The following RPRD2 variants were observed in gnomAD, a reference collection of about 807,000 sequenced individuals.
RPRD2 encodes regulation of nuclear pre-mRNA domain containing 2.
A neutral mutation model predicts 104.4 loss-of-function variants in RPRD2; 12 were observed. The observed-to-expected ratio is 0.11, with a 90% CI of 0.07 to 0.19. RPRD2 has a LOEUF of 0.19. Among genes scored for constraint, RPRD2 ranks in the 10% least tolerant of loss-of-function variants. RPRD2 has a pLI of 1.00. For missense variants in RPRD2, 1,543 were observed against 1,790.1 expected, an observed-to-expected ratio of 0.86 and a Z score of 2.49; for synonymous variants, 714 against 684.9, an observed-to-expected ratio of 1.04 and a Z score of -0.66.
chr1:150,434,950 T>C (rs1157617936), intron 2 of RPRD2, among the ~76,000 whole-genome samples: 1 of 152,236 alleles, frequency 6.6e-6, no homozygotes, highest in Non-Finnish European at 1.5e-5. Context: ...TGTTTCATTG[T>C]GCATTGCAGG....
rs1661661325 is a variant in RPRD2, at chr1:150,387,566, C to CTTTTTTTTTTTTTTTTT, written c.205+22647_205+22648insTTTTTTTTTTTTTTTTT. ...TAAATCTTACAGAAGTTGCAACAGACCTTTTTTTTTTTTTTTTTTTTTTTT... is the reference window on the plus strand; with the variant it reads ...TAAATCTTACAGAAGTTGCAACAGACTTTTTTTTTTTTTTTTTCTTTTTTTTTTTTTTTTTTTTTTTT... On this transcript the variant is annotated intron_variant, in intron 1 of 10. Coordinates refer to ENST00000369068, the MANE Select transcript of RPRD2 (RefSeq NM_015203.5). 1.9e-4 allele frequency among the ~76,000 whole-genome samples: 13 copies of CTTTTTTTTTTTTTTTTT among 70,116 alleles called. 3 individuals carry two copies. The highest frequency in any genetic ancestry group is 2.3e-4 in the Non-Finnish European group (8 of 34,170). 46.0% of individuals were successfully genotyped at this position (70,116 alleles called of 152,430 possible).
chr1:150,456,649 G>GCACGGTGACTCAAGCCTGTAA (rs1667546034), intron 7 of RPRD2, among the ~76,000 whole-genome samples: 1 of 151,564 alleles, frequency 6.6e-6, no homozygotes, highest in Non-Finnish European at 1.5e-5. Context: ...AAGCAGCCGA[G>GCACGGTGACTCAAGCCTGTAA]CACGGTGACT....
At chr1:150,374,496 G>A (rs1241680197) in intron 1 of RPRD2, among the ~76,000 whole-genome samples, 6 of 152,196 alleles carry the variant, frequency 3.9e-5, no homozygotes, top group African/African-American at 1.4e-4. Context: ...TTGGGTCAGA[G>A]CAAATGTTAA....
At chr1:150,391,341 A>G (rs1346771337) in intron 1 of RPRD2, among the ~76,000 whole-genome samples, 1 of 152,122 alleles carries the variant, frequency 6.6e-6, no homozygotes, top group African/African-American at 2.4e-5. Flanking sequence ...TTTTGTAGAG[A>G]TAAGGGTCTC....
chr1:150,415,966 A>G (rs1664303427), intron 1 of RPRD2, among the ~76,000 whole-genome samples: 1 of 152,196 alleles, frequency 6.6e-6, no homozygotes. Flanking sequence ...GGGCCTGACA[A>G]GTGGTTAAAA....
At chr1:150,462,549 TTTTA>T (rs1189724325) in intron 9 of RPRD2, among the ~76,000 whole-genome samples, 16 of 151,934 alleles carry the variant, frequency 1.1e-4, no homozygotes, top group Non-Finnish European at 2.1e-4. Flanking sequence ...GGAATTTTAT[TTTTA>T]TTTATTTATT....
chr1:150,462,535 T>C (rs1553899046), intron 9 of RPRD2, among the ~76,000 whole-genome samples: 2 of 152,072 alleles, frequency 1.3e-5, no homozygotes, highest in East Asian at 1.9e-4. Flanking sequence ...AAAACCTTTT[T>C]AATGGAATTT....
chr1:150,383,952 T>C (rs1661345669), intron 1 of RPRD2, among the ~76,000 whole-genome samples: 1 of 152,160 alleles, frequency 6.6e-6, no homozygotes, highest in Non-Finnish European at 1.5e-5. Context: ...AATTTGTACT[T>C]TGTGCAACAG....
Position 150,395,546 on chromosome 1 carries a change from T to C in RPRD2, c.206-22050T>C, listed in dbSNP as rs587610940. 2.0e-5 allele frequency among the ~76,000 whole-genome samples: 3 copies of C among 148,494 alleles called. No homozygotes were observed. The South Asian group carries it at 6.4e-4, about 31-fold the overall frequency. On this transcript the variant is annotated intron_variant, in intron 1 of 10. Transcript: ENST00000369068. ...TTTTTTTTTTGAGATGGAGTCTTGC[T>C]CTGTCACCTAAGCTGGAGTGCAGTG...
At chr1:150,465,510 C>T (rs1233368898) in intron 10 of RPRD2, among the ~76,000 whole-genome samples, 1 of 152,098 alleles carries the variant, frequency 6.6e-6, no homozygotes, top group Non-Finnish European at 1.5e-5. Context: ...AGTCTAATCC[C>T]TTACTTTTCA....
intron 7 of RPRD2, among the ~76,000 whole-genome samples, chr1:150,447,966 C>T (rs1560210948): frequency 6.6e-6 from 1 of 152,170 alleles, no homozygotes; most frequent in Non-Finnish European, 1.5e-5. Flanking sequence ...ACTCACCCGC[C>T]TTTCTCCTTC....
rs782456204 is a variant in RPRD2, at chr1:150,464,510, C to A, written c.1412-17C>A. On this transcript the variant is annotated splice_polypyrimidine_tract_variant and intron_variant, in intron 9 of 10. Transcript: ENST00000369068. ...ATTTTGAATTGCATTTTCTTGAGTT[C>A]ATCTTTCTGCCACCAGGGGTCAGTC... The A allele has an allele frequency of 6.3e-7, 1 of 1,576,448 alleles. No individual in the cohort carries two copies. The highest frequency in any genetic ancestry group is 8.6e-7 in the Non-Finnish European group (1 of 1,160,828).
chr1:150,400,884 T>TA (rs1560170867), intron 1 of RPRD2, among the ~76,000 whole-genome samples: 3 of 151,942 alleles, frequency 2.0e-5, no homozygotes, highest in South Asian at 2.1e-4. Flanking sequence ...CTTTTTTTTT[T>TA]TAAAAAAAAG....
chr1:150,429,842 T>A (rs1310723508), intron 2 of RPRD2, among the ~76,000 whole-genome samples: 1 of 152,228 alleles, frequency 6.6e-6, no homozygotes, highest in Admixed American at 6.5e-5. Context: ...ATAAAATAAC[T>A]ACATCCTTGA....
intron 1 of RPRD2, among the ~76,000 whole-genome samples, chr1:150,368,913 T>G (rs1660056616): frequency 6.6e-6 from 1 of 152,132 alleles, no homozygotes. Flanking sequence ...CGGCTTCGCT[T>G]TATTTCAAGT....
At position 150,364,766 on chromosome 1, in the gene RPRD2, T is replaced by G; in HGVS notation, c.52T>G (p.Ser18Ala). 3.7e-6 allele frequency: 6 copies of G among 1,608,308 alleles called. No homozygotes were observed. The highest frequency in any genetic ancestry group is 5.1e-6 in the Non-Finnish European group (6 of 1,177,266). ...CAGTAAGGCCTCCTCCTCGTCGGCC[T>G]CTTCGGCAGGGGCTCTGGAGTCCTC... Reference protein sequence around the residue: ...GSSKASSSSASSAGALESSLD... With the variant: ...GSSKASSSSAASAGALESSLD... Residue 18 changes from serine (S) to alanine (A), a missense_variant, in exon 1 of 11, where the codon TCT (serine) becomes GCT (alanine). Coordinates refer to ENST00000369068, the MANE Select transcript of RPRD2 (RefSeq NM_015203.5).
At chr1:150,431,472 GATT>G (rs1442981753) in intron 2 of RPRD2, among the ~76,000 whole-genome samples, 4 of 65,760 alleles carry the variant, frequency 6.1e-5, no homozygotes, top group Non-Finnish European at 1.1e-4. Context: ...AAAAAGGAAG[GATT>G]TTTTTTTTTT....
At chr1:150,447,415 A>G (rs1572495876) in intron 7 of RPRD2, among the ~76,000 whole-genome samples, 1 of 148,976 alleles carries the variant, frequency 6.7e-6, no homozygotes, top group African/African-American at 2.5e-5. Flanking sequence ...GCTCACTTCA[A>G]CCTCCGCCTC....
rs772500605 is a variant in RPRD2 at position 150,472,699 on chromosome 1, G to A, written c.3751G>A (p.Ala1251Thr). 5.3e-5 allele frequency: 86 copies of A among 1,613,550 alleles called. No individual in the cohort carries two copies. Among genetic ancestry groups the A allele is most frequent in the Non-Finnish European group, 6.8e-5 (80 of 1,179,718 alleles). The part of the protein sequence containing the change: ...SNPFTKEAAL[A>T]HAAPPPPPGE... ...CCCCTTCACAAAGGAGGCAGCCCTG[G>A]CCCATGCTGCCCCACCCCCTCCTCC... is the stretch of plus-strand genomic sequence containing the variant. The change falls in exon 11 of 11, where the codon GCC (alanine) becomes ACC (threonine). Residue 1251 changes from alanine to threonine, a missense_variant. Physicochemically the swap from Ala to Thr is moderately conservative, Grantham distance 58. Around this residue, in one of 4 missense-constraint regions of RPRD2, gnomAD observed 880 missense variants for 885.6 expected, o/e 0.99. Coordinates refer to ENST00000369068, the MANE Select transcript of RPRD2 (RefSeq NM_015203.5).
Sources: allele counts gnomAD v4.1 joint callset (sites outside exome capture counted in the v4.1 genomes callset), GRCh38; gene constraint gnomAD v4.1.1; regional missense constraint gnomAD v4.1.1; transcripts MANE v1.5; gene names NCBI Gene and HGNC (gene_info 2026-07-23, HGNC 2026-07-21).